LRP2: variants seen among roughly 807,000 people sequenced by gnomAD.
LRP2 encodes the protein low-density lipoprotein receptor-related protein 2.
Under a neutral mutation model 531.0 loss-of-function variants are expected in LRP2, and 172 were observed. The observed-to-expected ratio is 0.32, with a 90% CI of 0.29 to 0.37. The LOEUF is 0.37. Among genes scored for constraint, LRP2 ranks in the 10% least tolerant of loss-of-function variants. LRP2 has a pLI of 1.00. For missense variants in LRP2, 5,167 were observed against 5,868.3 expected, an observed-to-expected ratio of 0.88 and a Z score of 3.90; for synonymous variants, 1,992 against 2,027.6, an observed-to-expected ratio of 0.98 and a Z score of 0.47.
chr2:169,261,918 T>C (rs1690572486), intron 16 of LRP2, among the ~76,000 whole-genome samples: 1 of 151,276 alleles, frequency 6.6e-6, no homozygotes. Context: ...GCTTCATCCC[T>C]GGGATGCAAG....
At chr2:169,361,350 G>GTCTCTCTCTCTCTCTCTCTC (rs1216824209) in intron 1 of LRP2, among the ~76,000 whole-genome samples, 2 of 21,954 alleles carry the variant, frequency 9.1e-5, no homozygotes, top group Admixed American at 5.0e-4. Context: ...GTCTCTCTCT[G>GTCTCTCTCTCTCTCTCTCTC]TCTCTCTCTC....
chr2:169,170,585 G>C lies in LRP2; in HGVS notation c.11346C>G (p.Asn3782Lys). The C allele has an allele frequency of 2.5e-6, 4 of 1,614,086 alleles. No individual in the cohort carries two copies. Among genetic ancestry groups the C allele is most frequent in the Non-Finnish European group, 3.4e-6 (4 of 1,179,966 alleles). Reference protein sequence around the residue: ...IPSRWICDHYNDCGDNSDERD... With the variant: ...IPSRWICDHYKDCGDNSDERD... The stretch of plus-strand genomic sequence containing the variant: ...GTTCATCTGAGTTGTCCCCACAGTC[G>C]TTGTAATGGTCACAGATCCATCGCG... The change falls in exon 59 of 79, where the codon AAC becomes AAG. Residue 3782 changes from asparagine to lysine, a missense_variant. Asn to Lys is a moderately conservative substitution (Grantham distance 94). Coordinates refer to ENST00000649046, the MANE Select transcript of LRP2 (RefSeq NM_004525.3).
chr2:169,339,971 T>G (rs1456830054), intron 1 of LRP2, among the ~76,000 whole-genome samples: 1 of 152,224 alleles, frequency 6.6e-6, no homozygotes, highest in Admixed American at 6.5e-5. Context: ...TACATCTATA[T>G]GGTATGCATC....
intron 19 of LRP2, 87 bp downstream of exon 19, chr2:169,256,019 T>C: frequency 7.1e-7 from 1 of 1,417,322 alleles, no homozygotes; most frequent in Non-Finnish European, 9.9e-7. Flanking sequence ...TTTTCTGGGA[T>C]TGTGAAAATG....
intron 60 of LRP2, among the ~76,000 whole-genome samples, chr2:169,169,154 TA>T (rs1403196541): frequency 6.6e-6 from 1 of 152,202 alleles, no homozygotes; most frequent in Non-Finnish European, 1.5e-5. Flanking sequence ...ATCAGACAGT[TA>T]CTGTGTCTAT....
chr2:169,300,761 T>C (rs976303885), intron 4 of LRP2, among the ~76,000 whole-genome samples: 5 of 151,990 alleles, frequency 3.3e-5, no homozygotes, highest in Non-Finnish European at 7.4e-5. Flanking sequence ...ATGGGGTCCT[T>C]TGGAGAGTCG....
intron 77 of LRP2, among the ~76,000 whole-genome samples, chr2:169,132,342 C>T (rs1484413370): frequency 6.6e-6 from 1 of 152,106 alleles, no homozygotes; most frequent in Non-Finnish European, 1.5e-5. Flanking sequence ...TGTGACATGT[C>T]CTCCTATGTT....
In LRP2 at chr2:169,211,955, G is replaced by A; in HGVS notation, c.6280+13C>T. 1 of 1,613,744 alleles carries A rather than the reference G, an allele frequency of 6.2e-7. No homozygotes were observed. The highest frequency in any genetic ancestry group is 1.1e-5 in the South Asian group (1 of 91,036). ...GATGAAGTCAAATCTTACTTATATT[G>A]GAGTTGGCATACCTTGGCCTGCCAC... is the stretch of plus-strand genomic sequence containing the variant. On this transcript the variant is annotated intron_variant, in intron 37 of 78. Coordinates refer to ENST00000649046, the MANE Select transcript of LRP2 (RefSeq NM_004525.3).
At chr2:169,151,406 G>T (rs1167947050) in intron 67 of LRP2, among the ~76,000 whole-genome samples, 1 of 152,126 alleles carries the variant, frequency 6.6e-6, no homozygotes, top group Non-Finnish European at 1.5e-5. Flanking sequence ...AGACACAGCA[G>T]TCAGACTGGC....
At position 169,277,928 on chromosome 2, in the gene LRP2, T is replaced by C. The variant is rs111481428; in HGVS notation, c.1589A>G (p.Glu530Gly). The stretch of plus-strand genomic sequence containing the variant: ...CAGCTTAGGTTCCCCAGAAAGGCTC[T>C]CCCAATCTGAGAAAAATAAATAACT... ...TVGYLFFSDW[E>G]SLSGEPKLER... The change falls in exon 13 of 79, where the codon GAG (glutamate) becomes GGG (glycine). Residue 530 changes from glutamate to glycine, a missense_variant. By Grantham distance (98) the Glu-to-Gly change is moderately conservative. This residue lies in a region of LRP2 where 2,811 missense variants were observed against 3,058.0 expected (regional missense o/e 0.92). Transcript: ENST00000649046. 6.2e-7 allele frequency: 1 copy of C among 1,613,780 alleles called. No individual in the cohort carries two copies.
chr2:169,238,416 C>G, intron 26 of LRP2, 114 bp from the exon 27 acceptor site: 1 of 769,394 alleles, frequency 1.3e-6, no homozygotes, highest in Non-Finnish European at 2.2e-6. Flanking sequence ...TAATTCCAAA[C>G]TATAGTAAGT....
intron 3 of LRP2, among the ~76,000 whole-genome samples, chr2:169,311,110 C>G (rs13004583): frequency 6.6e-6 from 1 of 151,858 alleles, no homozygotes; most frequent in Non-Finnish European, 1.5e-5. Flanking sequence ...TATTAGTCTT[C>G]CTAGTGGTCT....
intron 22 of LRP2, 114 bp downstream of exon 22, chr2:169,244,579 A>G (rs2105389425): frequency 7.3e-7 from 1 of 1,367,170 alleles, no homozygotes; most frequent in East Asian, 2.3e-5. Flanking sequence ...GAATAGAAGT[A>G]CTAAAGAGAC....
At chr2:169,274,946 A>T (rs1313401433) in intron 14 of LRP2, 90 bp downstream of exon 14, 42 of 1,265,796 alleles carry the variant, frequency 3.3e-5, no homozygotes, top group Non-Finnish European at 4.8e-5. Context: ...CAAATCACAT[A>T]AGACCCCTCA....
chr2:169,293,567 C>A (rs1308872357), intron 6 of LRP2, among the ~76,000 whole-genome samples: 2 of 152,090 alleles, frequency 1.3e-5, no homozygotes, highest in Non-Finnish European at 2.9e-5. Context: ...CCCAGCTATT[C>A]GGGAGGCTGA....
At position 169,289,024 on chromosome 2, in the gene LRP2, A is replaced by G. The variant is rs1414846533; in HGVS notation, c.1042+2T>C. On this transcript the variant is annotated splice_donor_variant, in intron 9 of 78. Coordinates refer to ENST00000649046, the MANE Select transcript of LRP2 (RefSeq NM_004525.3). LOFTEE classifies it high-confidence loss of function. ...AAGTAGCCGCCGCCCCCCATCACTT[A>G]CCAACACAGGTACGGCTGTCATTGT... 6.2e-7 allele frequency: 1 copy of G among 1,614,026 alleles called. No homozygotes were observed. The highest frequency in any genetic ancestry group is 2.2e-5 in the East Asian group (1 of 44,870).
rs117108360 is a variant in LRP2, at chr2:169,174,708, C to T, written c.10768+485G>A. On this transcript the variant is annotated intron_variant, in intron 55 of 78. Transcript: ENST00000649046. Reference sequence around the variant, plus strand: ...TATTTTTTGTAGAGACAGGCTTTTGCCATGTTGCCTAGGCTGGTGTTGGAC... The same window carrying T: ...TATTTTTTGTAGAGACAGGCTTTTGTCATGTTGCCTAGGCTGGTGTTGGAC... Among the ~76,000 whole-genome samples, 10 of 151,722 alleles carry T rather than the reference C, an allele frequency of 6.6e-5. No homozygotes were observed. The East Asian group carries it at 1.9e-3, about 29-fold the overall frequency.
rs201067529 is a variant in LRP2 at position 169,210,309 on chromosome 2, G to GA, written c.6281-669dup. On this transcript the variant is annotated intron_variant, in intron 37 of 78. Transcript: ENST00000649046. ...CATAGATTCCACCAAAATTAAGAAG[G>GA]AAAAAAAATACAGCTTTAAAAAGCA... 1.1e-4 allele frequency among the ~76,000 whole-genome samples: 16 copies of GA among 151,674 alleles called. 1 individual carries two copies. The highest frequency in any genetic ancestry group is 2.9e-4 in the African/African-American group (12 of 41,392).
At position 169,290,891 on chromosome 2, in the gene LRP2, G is replaced by A. The variant is rs201503356; in HGVS notation, c.876C>T (p.Cys292=). ...TGTTGTTTTCATCTTCTCTTCCTGG[G>A]CAATCTAAAATCCCATCACAAACTT... The part of the protein sequence containing the change: ...IYKVCDGILD[C]PGREDENNTS... Residue 292 remains cysteine (C), a synonymous_variant, in exon 8 of 79, where the codon TGC becomes TGT. Transcript: ENST00000649046. 1.2e-5 allele frequency: 20 copies of A among 1,614,038 alleles called. No homozygotes were observed. The highest frequency in any genetic ancestry group is 1.7e-4 in the Middle Eastern group (1 of 6,060).
Sources: allele counts gnomAD v4.1 joint callset (sites outside exome capture counted in the v4.1 genomes callset), GRCh38; gene constraint gnomAD v4.1.1; regional missense constraint gnomAD v4.1.1; transcripts MANE v1.5; gene names NCBI Gene and HGNC (gene_info 2026-07-23, HGNC 2026-07-21).